Variants in KCNMB2 observed in about 807,000 individuals in gnomAD.
KCNMB2 encodes the protein calcium-activated potassium channel subunit beta-2.
Under a neutral mutation model 24.5 loss-of-function variants are expected in KCNMB2, and 9 were observed. That is an observed-to-expected ratio of 0.37 (90% confidence interval 0.22 to 0.64). The LOEUF (loss-of-function observed/expected upper bound fraction) is 0.64. KCNMB2 is among the 30% of genes least tolerant of loss of function. The probability of loss-of-function intolerance (pLI) is 0.63; values close to 1 mark genes in which losing one functional copy is unlikely to be tolerated. For missense variants in KCNMB2, 226 were observed against 284.3 expected (o/e 0.79, Z 1.47); for synonymous variants, 109 against 104.4 (o/e 1.04, Z -0.27).
At chr3:178,833,326 C>T (rs540952811) in intron 4 of KCNMB2, among the ~76,000 whole-genome samples, 2 of 152,152 alleles carry the variant, frequency 1.3e-5, no homozygotes, top group Non-Finnish European at 2.9e-5. Flanking sequence ...GGCTCTCACC[C>T]CTCTTCCACA....
chr3:178,570,557 A>G (rs1266954612), intron 1 of KCNMB2, among the ~76,000 whole-genome samples: 1 of 130,976 alleles, frequency 7.6e-6, no homozygotes, highest in Non-Finnish European at 1.6e-5. Flanking sequence ...GGTAAAGTAA[A>G]TGTTTCCTTT....
At chr3:178,780,957 T>TAGTC (rs1236577022) in intron 1 of KCNMB2, among the ~76,000 whole-genome samples, 5 of 152,202 alleles carry the variant, frequency 3.3e-5, no homozygotes, top group Non-Finnish European at 7.3e-5. Flanking sequence ...TAGCCACAGG[T>TAGTC]GACTACTGAG....
At chr3:178,799,577 A>G (rs1348062448) in intron 1 of KCNMB2, among the ~76,000 whole-genome samples, 1 of 152,176 alleles carries the variant, frequency 6.6e-6, no homozygotes, top group African/African-American at 2.4e-5. Flanking sequence ...TGGGAGAATC[A>G]ATATTGTTAA....
rs74782941 is a variant in KCNMB2 at position 178,555,559 on chromosome 3, G to A, written c.-68+18848G>A. Among the ~76,000 whole-genome samples the A allele has an allele frequency of 6.9e-3, 1,053 of 152,256 alleles. 17 individuals carry two copies. The highest frequency in any genetic ancestry group is 0.023 in the African/African-American group (950 of 41,528). ...GATGGGTGAGCAATCAAAACTAGCC[G>A]TTGTTATAAAAGCATGGGCTATGTT... On this transcript the variant is annotated intron_variant, in intron 1 of 4. Coordinates refer to ENST00000452583, the MANE Select transcript of KCNMB2 (RefSeq NM_181361.3).
intron 1 of KCNMB2, among the ~76,000 whole-genome samples, chr3:178,789,164 A>T (rs1156500383): frequency 6.6e-6 from 1 of 152,226 alleles, no homozygotes; most frequent in East Asian, 1.9e-4. Flanking sequence ...AGGCTAAAGG[A>T]CAGGTACATT....
intron 1 of KCNMB2, among the ~76,000 whole-genome samples, chr3:178,681,502 G>A (rs2108594637): frequency 6.6e-6 from 1 of 152,186 alleles, no homozygotes; most frequent in Admixed American, 6.5e-5. Flanking sequence ...AATTCACAAG[G>A]CATATTAATA....
chr3:178,759,724 A>C lies in KCNMB2; in HGVS notation c.-67-47619A>C, dbSNP rs1477442812. On this transcript the variant is annotated intron_variant, in intron 1 of 4. Transcript: ENST00000452583. ...CATATATATATCCAAGAGGATATAT[A>C]TACACATATATATATCCAAGAGGAT... Among the ~76,000 whole-genome samples, 372 of 62,910 alleles carry C rather than the reference A, an allele frequency of 5.9e-3. 3 individuals carry two copies. Among genetic ancestry groups the C allele is most frequent in the Non-Finnish European group, 0.011 (304 of 28,440 alleles). The allele number at this position is 62,910 out of a possible 152,430, so 41.3% of individuals were successfully genotyped here.
chr3:178,824,905 C>CA (rs971104340), intron 2 of KCNMB2, among the ~76,000 whole-genome samples: 4 of 152,082 alleles, frequency 2.6e-5, no homozygotes, highest in Non-Finnish European at 5.9e-5. Context: ...AAATAAAAAA[C>CA]AAAAATACTA....
At chr3:178,788,403 C>T (rs1161496588) in intron 1 of KCNMB2, among the ~76,000 whole-genome samples, 4 of 152,042 alleles carry the variant, frequency 2.6e-5, no homozygotes, top group Non-Finnish European at 1.5e-5. Flanking sequence ...GAGGGCTTTT[C>T]GGGTTCTTTG....
chr3:178,576,791 A>T (rs1295640694), intron 1 of KCNMB2, among the ~76,000 whole-genome samples: 5 of 152,220 alleles, frequency 3.3e-5, no homozygotes, highest in Non-Finnish European at 7.3e-5. Context: ...CTGCCTGTCT[A>T]GATTCATCCT....
In KCNMB2 at chr3:178,587,753, T is replaced by TA. The variant is rs1236088586; in HGVS notation, c.-68+51043dup. On this transcript the variant is annotated intron_variant, in intron 1 of 4. Transcript: ENST00000452583. ...GAGCCAGTAATCTTTTTTTTTTTTT[T>TA]ATACGTTAAGTTTTAGGGCACATGT... Among the ~76,000 whole-genome samples, 3 of 147,568 alleles carry TA rather than the reference T, an allele frequency of 2.0e-5. No homozygotes were observed. The East Asian group carries it at 5.9e-4, about 29-fold the overall frequency.
At chr3:178,792,566 A>AT (rs1491289434) in intron 1 of KCNMB2, among the ~76,000 whole-genome samples, 2 of 152,240 alleles carry the variant, frequency 1.3e-5, no homozygotes, top group African/African-American at 4.8e-5. Flanking sequence ...ACATCTTTAC[A>AT]TATCAATAAT....
At chr3:178,728,638 G>T (rs1004400325) in intron 1 of KCNMB2, among the ~76,000 whole-genome samples, 7 of 152,058 alleles carry the variant, frequency 4.6e-5, no homozygotes, top group African/African-American at 1.7e-4. Context: ...GGTCTAGGGG[G>T]GTCCCACTCT....
intron 1 of KCNMB2, among the ~76,000 whole-genome samples, chr3:178,698,490 T>G (rs1481227540): frequency 1.3e-5 from 2 of 152,254 alleles, no homozygotes; most frequent in Non-Finnish European, 2.9e-5. Context: ...TTATTTTTAC[T>G]GGTTATTTGT....
intron 1 of KCNMB2, among the ~76,000 whole-genome samples, chr3:178,644,685 A>G (rs1209961613): frequency 6.6e-6 from 1 of 152,174 alleles, no homozygotes; most frequent in Non-Finnish European, 1.5e-5. Flanking sequence ...TCTGCCATAG[A>G]CCCATGCTTT....
intron 1 of KCNMB2, among the ~76,000 whole-genome samples, chr3:178,604,367 C>CA (rs1439207666): frequency 6.8e-6 from 1 of 146,496 alleles, no homozygotes; most frequent in East Asian, 2.0e-4. Flanking sequence ...AAATTCAATA[C>CA]AAAAAACATG....
chr3:178,778,690 C>A (rs1294495375), intron 1 of KCNMB2, among the ~76,000 whole-genome samples: 1 of 152,110 alleles, frequency 6.6e-6, no homozygotes, highest in African/African-American at 2.4e-5. Context: ...TACTGTTTGG[C>A]CTGGATTTGT....
chr3:178,653,208 T>C (rs1324524626), intron 1 of KCNMB2, among the ~76,000 whole-genome samples: 1 of 152,150 alleles, frequency 6.6e-6, no homozygotes, highest in Non-Finnish European at 1.5e-5. Flanking sequence ...GTAATTTCTA[T>C]GTAGATAGTT....
intron 1 of KCNMB2, among the ~76,000 whole-genome samples, chr3:178,656,088 G>C (rs765315): frequency 0.19 from 28,789 of 152,094 alleles, 2,815 homozygotes; most frequent in Admixed American, 0.25. Flanking sequence ...TAATTAAGAC[G>C]TAAACATGAT....
Sources: gnomAD v4.1 joint callset for allele counts (sites outside exome capture counted in the v4.1 genomes callset) on GRCh38, gnomAD v4.1.1 for gene constraint, MANE v1.5 for transcripts, NCBI Gene and HGNC (gene_info 2026-07-23, HGNC 2026-07-21) for gene names.